RANBP2: variants seen among roughly 807,000 people sequenced by gnomAD.
The protein encoded by RANBP2 is E3 SUMO-protein ligase RanBP2.
Under a neutral mutation model 303.6 loss-of-function variants are expected in RANBP2, and 57 were observed. The observed-to-expected ratio is 0.19, with a 90% CI of 0.15 to 0.23. RANBP2 has a LOEUF of 0.23. Among genes scored for constraint, RANBP2 ranks in the 10% least tolerant of loss-of-function variants. The pLI, the probability that RANBP2 is intolerant of heterozygous loss-of-function variation, is 1.00. For synonymous variants in RANBP2, 1,167 were observed against 1,301.5 expected (o/e 0.90, Z 2.23); for missense variants, 3,138 against 3,780.8 (o/e 0.83, Z 4.46).
chr2:109,704,752 G>A, the RANBP2 span, among the ~76,000 whole-genome samples: 2 of 151,956 alleles, frequency 1.3e-5, no homozygotes, highest in South Asian at 4.2e-4. Flanking sequence ...TCGGGAGGCT[G>A]AGGCAGAAGA....
chr2:108,907,204 TTG>T, the RANBP2 span, among the ~76,000 whole-genome samples: 4 of 152,038 alleles, frequency 2.6e-5, no homozygotes, highest in Non-Finnish European at 4.4e-5. Flanking sequence ...AAGAAAAACG[TTG>T]TGTGTGTGTG....
chr2:109,698,616 C>A, the RANBP2 span, among the ~76,000 whole-genome samples: 1 of 151,042 alleles, frequency 6.6e-6, no homozygotes, highest in Non-Finnish European at 1.5e-5. Context: ...TCTGTCAATT[C>A]TTGATGTGTT....
chr2:109,216,985 CT>C, the RANBP2 span, among the ~76,000 whole-genome samples: 1 of 152,168 alleles, frequency 6.6e-6, no homozygotes, highest in Non-Finnish European at 1.5e-5. Context: ...CACTCTTCTA[CT>C]TTGTTTCTTT....
At chr2:108,786,951 T>C, downstream of RANBP2, 1 of 1,414,976 alleles carries the variant, frequency 7.1e-7, no homozygotes, top group South Asian at 1.4e-5. Context: ...GGTGGGCTCC[T>C]GCTGCTGGGG....
the RANBP2 span, among the ~76,000 whole-genome samples, chr2:109,366,993 G>A: frequency 6.6e-6 from 1 of 152,100 alleles, no homozygotes; most frequent in Non-Finnish European, 1.5e-5. Flanking sequence ...TCTCATTCTC[G>A]CCCAGGCTGG....
the RANBP2 span, among the ~76,000 whole-genome samples, chr2:109,040,373 T>C: frequency 6.6e-6 from 1 of 152,252 alleles, no homozygotes; most frequent in Non-Finnish European, 1.5e-5. Context: ...GAAGCCTTGA[T>C]ATCCAATAGA....
chr2:109,636,776 A>G, the RANBP2 span, among the ~76,000 whole-genome samples: 1 of 152,146 alleles, frequency 6.6e-6, no homozygotes, highest in South Asian at 2.1e-4. Context: ...CGTCACTACC[A>G]AAAATATAAA....
chr2:109,224,601 T>A, the RANBP2 span, among the ~76,000 whole-genome samples: 1 of 152,182 alleles, frequency 6.6e-6, no homozygotes, highest in African/African-American at 2.4e-5. Context: ...CTCACACCTG[T>A]AATCCCGGCA....
the RANBP2 span, among the ~76,000 whole-genome samples, chr2:109,093,434 A>G: frequency 2.2e-4 from 34 of 151,608 alleles, 1 homozygote; most frequent in South Asian, 6.4e-3. Context: ...AAGAAAGAAA[A>G]AAAAAGAAAA....
the RANBP2 span, among the ~76,000 whole-genome samples, chr2:109,412,659 G>A: frequency 1.6e-4 from 24 of 152,192 alleles, no homozygotes; most frequent in African/African-American, 5.1e-4. Context: ...AGAAAGATAC[G>A]GGCTTACCGT....
the RANBP2 span, among the ~76,000 whole-genome samples, chr2:109,083,212 A>G: frequency 6.6e-6 from 1 of 152,144 alleles, no homozygotes; most frequent in African/African-American, 2.4e-5. Flanking sequence ...ATTGTTGTAC[A>G]ACCATCACCA....
downstream of RANBP2, among the ~76,000 whole-genome samples, chr2:108,787,374 C>T (rs1291381116): frequency 6.6e-6 from 1 of 152,226 alleles, no homozygotes; most frequent in African/African-American, 2.4e-5. Context: ...CCTTCCCTCC[C>T]TACAAACGCA....
the RANBP2 span, among the ~76,000 whole-genome samples, chr2:108,932,528 C>CAAAAAA: frequency 1.7e-3 from 66 of 39,138 alleles, 3 homozygotes; most frequent in African/African-American, 6.2e-3. Flanking sequence ...GACTCTGTCT[C>CAAAAAA]AAAAAAAAAA....
the RANBP2 span, among the ~76,000 whole-genome samples, chr2:109,478,373 G>A: frequency 1.3e-5 from 2 of 152,078 alleles, no homozygotes; most frequent in Non-Finnish European, 2.9e-5. Flanking sequence ...TCCCAGTTAC[G>A]TCTTTAAATC....
chr2:109,266,768 G>A, the RANBP2 span, among the ~76,000 whole-genome samples: 2 of 152,126 alleles, frequency 1.3e-5, no homozygotes, highest in Non-Finnish European at 1.5e-5. Flanking sequence ...CAAGAGACAG[G>A]GGTGAGCGTG....
At chr2:108,920,843 C>T in the RANBP2 span, among the ~76,000 whole-genome samples, 476 of 152,296 alleles carry the variant, frequency 3.1e-3, 8 homozygotes, top group East Asian at 0.038. Context: ...GGCAAAATTG[C>T]GCCTGAGCCA....
the RANBP2 span, among the ~76,000 whole-genome samples, chr2:108,836,877 G>A: frequency 6.6e-6 from 1 of 150,930 alleles, no homozygotes; most frequent in Non-Finnish European, 1.5e-5. Flanking sequence ...CATTGTTAGT[G>A]TATGGAAACA....
chr2:109,338,693 G>T, the RANBP2 span, among the ~76,000 whole-genome samples: 146 of 152,290 alleles, frequency 9.6e-4, no homozygotes, highest in Middle Eastern at 0.01. Flanking sequence ...AAGTAGCTGT[G>T]ACTACAGGCA....
At chr2:108,928,196 C>A in the RANBP2 span, among the ~76,000 whole-genome samples, 3 of 152,212 alleles carry the variant, frequency 2.0e-5, no homozygotes, top group Non-Finnish European at 4.4e-5. Flanking sequence ...CCAATCAGAG[C>A]CCCAGGCACT....
Sources: gnomAD v4.1 joint callset for allele counts (sites outside exome capture counted in the v4.1 genomes callset) on GRCh38, gnomAD v4.1.1 for gene constraint, MANE v1.5 for transcripts, NCBI Gene and HGNC (gene_info 2026-07-23, HGNC 2026-07-21) for gene names.